Variants in PLXNC1 observed in about 807,000 individuals in gnomAD.
The protein encoded by PLXNC1 is plexin-C1.
PLXNC1 carries 75 observed loss-of-function variants against 178.2 expected under a neutral mutation model. The observed-to-expected ratio is 0.42, with a 90% CI of 0.35 to 0.51. PLXNC1 has a LOEUF of 0.51. Among genes scored for constraint, PLXNC1 ranks in the 20% least tolerant of loss-of-function variants. PLXNC1 has a pLI of 0.02. For missense variants in PLXNC1, 1,503 were observed against 1,984.4 expected, an observed-to-expected ratio of 0.76 and a Z score of 4.61; for synonymous variants, 790 against 779.9, an observed-to-expected ratio of 1.01 and a Z score of -0.22.
intron 2 of PLXNC1, among the ~76,000 whole-genome samples, chr12:94,171,282 T>C (rs1226566926): frequency 6.6e-6 from 1 of 152,198 alleles, no homozygotes; most frequent in Admixed American, 6.5e-5. Flanking sequence ...AGGATCTGTA[T>C]GGGGTACCCA....
intron 1 of PLXNC1, among the ~76,000 whole-genome samples, chr12:94,155,304 G>T (rs937640497): frequency 3.3e-5 from 5 of 152,302 alleles, no homozygotes; most frequent in African/African-American, 1.2e-4. Flanking sequence ...AATATCACCT[G>T]GGAACTTGCT....
In PLXNC1 at chr12:94,307,360, C is replaced by T. The variant is rs1318479049; in HGVS notation, c.*2075C>T. 1.3e-5 allele frequency: 2 copies of T among 152,182 alleles called. No homozygotes were observed. The highest frequency in any genetic ancestry group is 2.9e-5 in the Non-Finnish European group (2 of 68,028). 9.4% of individuals were successfully genotyped at this position (152,182 alleles called of 1,614,324 possible). On this transcript the variant is annotated 3_prime_UTR_variant, in exon 31 of 31. Transcript: ENST00000258526. Reference sequence around the variant, plus strand: ...AGATCACATTTTGGATCACATTAGCCAAATGCAGTAAATGGCCAAATTAGA... The same window carrying T: ...AGATCACATTTTGGATCACATTAGCTAAATGCAGTAAATGGCCAAATTAGA...
At chr12:94,245,562 T>C (rs556149430) in intron 12 of PLXNC1, among the ~76,000 whole-genome samples, 2 of 152,050 alleles carry the variant, frequency 1.3e-5, no homozygotes, top group Non-Finnish European at 2.9e-5. Flanking sequence ...TATCATCAGG[T>C]TCTAGGTCCT....
intron 4 of PLXNC1, among the ~76,000 whole-genome samples, chr12:94,203,984 G>T (rs1209676099): frequency 6.6e-6 from 1 of 152,152 alleles, no homozygotes; most frequent in Non-Finnish European, 1.5e-5. Flanking sequence ...GCATGCCCTC[G>T]CTCTCTCTTG....
At chr12:94,173,263 T>C (rs1478264542) in intron 2 of PLXNC1, among the ~76,000 whole-genome samples, 1 of 152,224 alleles carries the variant, frequency 6.6e-6, no homozygotes. Flanking sequence ...GCCTATCATG[T>C]GGTTTGGATT....
rs567805792 is a variant in PLXNC1, at chr12:94,158,952, T to C, written c.1062+8919T>C. Among the ~76,000 whole-genome samples the C allele has an allele frequency of 3.9e-5, 6 of 152,206 alleles. No homozygotes were observed. The East Asian group carries it at 7.7e-4, about 20-fold the overall frequency. Reference sequence around the variant, plus strand: ...CAGGGTGTGAAAACCATGGCTAAGGTTGATGGAGTAAAACAGCGGGATTAT... The same window carrying C: ...CAGGGTGTGAAAACCATGGCTAAGGCTGATGGAGTAAAACAGCGGGATTAT... On this transcript the variant is annotated intron_variant, in intron 1 of 30. Transcript: ENST00000258526.
At chr12:94,301,570 AAGAC>A (rs1555212824) in intron 28 of PLXNC1, among the ~76,000 whole-genome samples, 1 of 152,224 alleles carries the variant, frequency 6.6e-6, no homozygotes, top group Non-Finnish European at 1.5e-5. Flanking sequence ...AACTCAAAGA[AAGAC>A]AAAAATCAGA....
At chr12:94,262,623 T>G in intron 20 of PLXNC1, 1 of 985,426 alleles carries the variant, frequency 1.0e-6, no homozygotes, top group Non-Finnish European at 1.2e-6. Flanking sequence ...ACTTTCACTT[T>G]CAGTGGAATA....
chr12:94,289,205 T>G (rs1041148686), intron 23 of PLXNC1, among the ~76,000 whole-genome samples: 4 of 152,180 alleles, frequency 2.6e-5, no homozygotes, highest in African/African-American at 7.2e-5. Flanking sequence ...TAGCTCCTGT[T>G]TATTTTGGAA....
At chr12:94,287,350 G>A (rs960415646) in intron 23 of PLXNC1, among the ~76,000 whole-genome samples, 1 of 152,186 alleles carries the variant, frequency 6.6e-6, no homozygotes, top group Non-Finnish European at 1.5e-5. Context: ...AGGGTCTGGG[G>A]CATGTGCACC....
chr12:94,212,790 GCTCACTGCAAGCTCCGC>G (rs916820243), intron 5 of PLXNC1, among the ~76,000 whole-genome samples: 109 of 150,568 alleles, frequency 7.2e-4, no homozygotes, highest in Non-Finnish European at 1.1e-3. Context: ...CACGATCTTG[GCTCACTGCAAGCTCCGC>G]CTCCCAGGTT....
intron 12 of PLXNC1, among the ~76,000 whole-genome samples, chr12:94,246,908 GA>G (rs1391086576): frequency 6.6e-6 from 1 of 151,784 alleles, no homozygotes; most frequent in Non-Finnish European, 1.5e-5. Context: ...GGGGGTGGGG[GA>G]AAAATAGTTT....
Position 94,279,529 on chromosome 12 carries a change from A to AC in PLXNC1, c.3655_3656insC (p.Asn1219ThrfsTer10). The AC allele has an allele frequency of 6.2e-7, 1 of 1,614,210 alleles. No homozygotes were observed. The highest frequency in any genetic ancestry group is 8.5e-7 in the Non-Finnish European group (1 of 1,180,004). On this transcript the variant is annotated frameshift_variant, in exon 22 of 31. Transcript: ENST00000258526. LOFTEE classifies it high-confidence loss of function. ...AAACGAGAGTGCAGATGTCTGTCGG[A>AC]ATATTTCAGTCAATGTTCTCGACTG...
chr12:94,184,936 T>C (rs920772678), intron 3 of PLXNC1, among the ~76,000 whole-genome samples: 1 of 152,198 alleles, frequency 6.6e-6, no homozygotes, highest in Admixed American at 6.5e-5. Flanking sequence ...GCTTTTTCAG[T>C]CTGAGGTTTT....
At position 94,169,305 on chromosome 12, in the gene PLXNC1, G is replaced by A; in HGVS notation, c.1203+12G>A. On this transcript the variant is annotated intron_variant, in intron 2 of 30. Transcript: ENST00000258526. ...GCCAGTTACTTAAGGTTGGTTTTCT[G>A]TGCCTTCTTCAAATGTCTATTTTAA... The A allele has an allele frequency of 6.2e-7, 1 of 1,611,458 alleles. No homozygotes were observed. Among genetic ancestry groups the A allele is most frequent in the East Asian group, 2.2e-5 (1 of 44,834 alleles).
intron 23 of PLXNC1, among the ~76,000 whole-genome samples, chr12:94,293,883 G>A (rs1420197792): frequency 6.6e-6 from 1 of 152,120 alleles, no homozygotes; most frequent in Non-Finnish European, 1.5e-5. Context: ...TCCTCCCAAA[G>A]TGCTGGGATC....
Position 94,275,854 on chromosome 12 carries a change from CAAAAAAAAAAAAAAAA to C in PLXNC1, c.3598-3606_3598-3591del, listed in dbSNP as rs34551603. ...TGGGCGACAGAGCGAGACTCCGTCT[CAAAAAAAAAAAAAAAA>C]AAAAAAAAAAAGAAACTGCTGTTTG... On this transcript the variant is annotated intron_variant, in intron 21 of 30. Coordinates refer to ENST00000258526, the MANE Select transcript of PLXNC1 (RefSeq NM_005761.3). Among the ~76,000 whole-genome samples, 90 of 23,106 alleles carry C rather than the reference CAAAAAAAAAAAAAAAA, an allele frequency of 3.9e-3. 17 individuals are homozygous for C. The highest frequency in any genetic ancestry group is 0.025 in the African/African-American group (83 of 3,350). The allele number at this position is 23,106 out of a possible 152,430, so 15.2% of individuals were successfully genotyped here.
rs1416975411 is a variant in PLXNC1, at chr12:94,227,178, A to G, written c.1923A>G (p.Thr641=). The change falls in exon 9 of 31, where the codon ACA becomes ACG. Residue 641 remains threonine, a synonymous_variant. Transcript: ENST00000258526. ...QEQCPVAVEK[T]SGGGRPKENK... Reference sequence around the variant, plus strand: ...AGTGTCCAGTGGCTGTCGAGAAGACATCAGGAGGAGGAAGACCCAAGGAGA... The same window carrying G: ...AGTGTCCAGTGGCTGTCGAGAAGACGTCAGGAGGAGGAAGACCCAAGGAGA... 1.2e-6 allele frequency: 2 copies of G among 1,613,092 alleles called. No individual in the cohort carries two copies.
chr12:94,253,000 C>T (rs937814291), intron 15 of PLXNC1, among the ~76,000 whole-genome samples: 2 of 152,060 alleles, frequency 1.3e-5, no homozygotes, highest in African/African-American at 4.8e-5. Context: ...ATCACGAGGT[C>T]AGCAGATCGA....
Sources: gnomAD v4.1 joint callset for allele counts (sites outside exome capture counted in the v4.1 genomes callset) on GRCh38, gnomAD v4.1.1 for gene constraint, MANE v1.5 for transcripts, NCBI Gene and HGNC (gene_info 2026-07-23, HGNC 2026-07-21) for gene names.